The following BBS9 variants were observed in gnomAD, a reference collection of about 807,000 sequenced individuals.
BBS9 encodes the protein Bardet-Biedl syndrome 9.
BBS9 carries 89 observed loss-of-function variants against 117.7 expected under a neutral mutation model. The observed-to-expected ratio is 0.76, with a 90% confidence interval of 0.64 to 0.90. The LOEUF (loss-of-function observed/expected upper bound fraction) is 0.90. BBS9 is among the 40% of genes least tolerant of loss of function. The pLI, the probability that BBS9 is intolerant of heterozygous loss-of-function variation, is 0.00. For missense variants in BBS9, 982 were observed against 1,042.2 expected (o/e 0.94, Z 0.80); for synonymous variants, 379 against 370.9 (o/e 1.02, Z -0.25).
At chr7:33,510,384 G>A (rs1381469695) in intron 20 of BBS9, among the ~76,000 whole-genome samples, 1 of 152,004 alleles carries the variant, frequency 6.6e-6, no homozygotes, top group African/African-American at 2.4e-5. Context: ...TTGAGTCTGA[G>A]AGAGTGTTGA....
chr7:33,533,774 G>T, intron 20 of BBS9, 180 bp from the exon 21 acceptor site: 1 of 672,718 alleles, frequency 1.5e-6, no homozygotes, highest in South Asian at 1.8e-5. Context: ...CTTGCTCAAG[G>T]TCAAACAGGT....
In BBS9 at chr7:33,167,802, AC is replaced by A. The variant is rs558343674; in HGVS notation, c.329-9674del. Among the ~76,000 whole-genome samples the A allele has an allele frequency of 7.2e-5, 11 of 152,002 alleles. No homozygotes were observed. The South Asian group carries it at 2.3e-3, about 32-fold the overall frequency. Reference sequence around the variant, plus strand: ...CGGGGTCCTTTCTATCCTTTCATGAACCTCCTTAAAGATACCATACTCTAGG... The same window carrying A: ...CGGGGTCCTTTCTATCCTTTCATGAACTCCTTAAAGATACCATACTCTAGG... On this transcript the variant is annotated intron_variant, in intron 4 of 22. Coordinates refer to ENST00000242067, the MANE Select transcript of BBS9 (RefSeq NM_198428.3).
intron 6 of BBS9, among the ~76,000 whole-genome samples, chr7:33,262,283 A>G (rs1312208385): frequency 6.6e-6 from 1 of 152,202 alleles, no homozygotes; most frequent in African/African-American, 2.4e-5. Context: ...AATAATGACC[A>G]TAGTTATATA....
intron 6 of BBS9, among the ~76,000 whole-genome samples, chr7:33,262,556 G>A (rs1798133350): frequency 6.6e-6 from 1 of 152,148 alleles, no homozygotes; most frequent in Admixed American, 6.5e-5. Flanking sequence ...CACTTTTAGA[G>A]ACTTTGGGAT....
chr7:33,512,744 A>C (rs1026136165), intron 20 of BBS9, among the ~76,000 whole-genome samples: 1 of 152,220 alleles, frequency 6.6e-6, no homozygotes, highest in African/African-American at 2.4e-5. Flanking sequence ...TCGTTCCTTT[A>C]AAAGCAGCAC....
intron 21 of BBS9, among the ~76,000 whole-genome samples, chr7:33,624,984 T>C (rs1382388919): frequency 6.6e-6 from 1 of 152,138 alleles, no homozygotes; most frequent in Non-Finnish European, 1.5e-5. Flanking sequence ...CCTGAACCAG[T>C]ACTCTCAGTA....
intron 21 of BBS9, among the ~76,000 whole-genome samples, chr7:33,549,825 G>C (rs866612879): frequency 6.6e-6 from 1 of 152,130 alleles, no homozygotes; most frequent in Non-Finnish European, 1.5e-5. Flanking sequence ...CTTAAAAATT[G>C]CATCGATTTG....
intron 19 of BBS9, among the ~76,000 whole-genome samples, chr7:33,428,521 A>G (rs1427599823): frequency 6.6e-6 from 1 of 152,078 alleles, no homozygotes; most frequent in African/African-American, 2.4e-5. Flanking sequence ...AAAACAGGAG[A>G]TAATTATTCT....
At chr7:33,434,978 G>A (rs187293829) in intron 19 of BBS9, among the ~76,000 whole-genome samples, 217 of 152,174 alleles carry the variant, frequency 1.4e-3, no homozygotes, top group Non-Finnish European at 2.8e-3. Context: ...CTATCATAAG[G>A]CATTTTATGC....
chr7:33,426,569 C>T (rs1313074041), intron 19 of BBS9, among the ~76,000 whole-genome samples: 1 of 145,282 alleles, frequency 6.9e-6, no homozygotes, highest in African/African-American at 2.5e-5. Context: ...AATAGATGTT[C>T]TGTAAAAAAT....
chr7:33,332,917 CA>C (rs1455841757), intron 9 of BBS9, among the ~76,000 whole-genome samples: 3 of 151,990 alleles, frequency 2.0e-5, no homozygotes, highest in Non-Finnish European at 4.4e-5. Flanking sequence ...GCATTAGGTA[CA>C]TTCATACTGC....
intron 9 of BBS9, among the ~76,000 whole-genome samples, chr7:33,281,913 C>A (rs1351511576): frequency 6.6e-6 from 1 of 151,968 alleles, no homozygotes; most frequent in East Asian, 1.9e-4. Context: ...CTCTTGGGCG[C>A]AAGCAATCCT....
intron 19 of BBS9, among the ~76,000 whole-genome samples, chr7:33,449,826 C>T (rs1345735628): frequency 2.0e-5 from 3 of 152,056 alleles, no homozygotes; most frequent in Non-Finnish European, 4.4e-5. Flanking sequence ...TCTTCCATCC[C>T]GCCCTCCCTT....
intron 9 of BBS9, among the ~76,000 whole-genome samples, chr7:33,303,522 T>TCCCCCCTCC (rs758450052): frequency 1.3e-5 from 1 of 77,030 alleles, no homozygotes; most frequent in Non-Finnish European, 2.4e-5. Context: ...AATGATCCCC[T>TCCCCCCTCC]CCCCCCGCCC....
intron 19 of BBS9, among the ~76,000 whole-genome samples, 186 bp from the exon 20 acceptor site, chr7:33,505,277 A>T (rs1563270344): frequency 2.0e-5 from 3 of 151,104 alleles, no homozygotes; most frequent in Non-Finnish European, 3.0e-5. Context: ...TACTGTGGGC[A>T]TTTTTTTTTA....
intron 5 of BBS9, among the ~76,000 whole-genome samples, chr7:33,204,750 C>T (rs1016160505): frequency 1.3e-5 from 2 of 152,126 alleles, no homozygotes; most frequent in African/African-American, 4.8e-5. Flanking sequence ...TACCCTCATA[C>T]AAGATAGCAG....
At chr7:33,448,274 G>T (rs1308073754) in intron 19 of BBS9, among the ~76,000 whole-genome samples, 1 of 152,104 alleles carries the variant, frequency 6.6e-6, no homozygotes, top group African/African-American at 2.4e-5. Context: ...TCCCTCCCTT[G>T]TTTCCTAGCC....
intron 9 of BBS9, among the ~76,000 whole-genome samples, chr7:33,307,880 G>T (rs1473621763): frequency 3.3e-5 from 5 of 151,778 alleles, no homozygotes; most frequent in African/African-American, 1.2e-4. Context: ...TTCCTCGGCT[G>T]TAGGACCTGG....
At chr7:33,527,482 C>T (rs1002440679) in intron 20 of BBS9, among the ~76,000 whole-genome samples, 6 of 152,312 alleles carry the variant, frequency 3.9e-5, no homozygotes, top group South Asian at 2.1e-4. Flanking sequence ...CTGAAAAGCG[C>T]AATATTCGGG....
Sources: gnomAD v4.1 joint callset for allele counts (sites outside exome capture counted in the v4.1 genomes callset) on GRCh38, gnomAD v4.1.1 for gene constraint, MANE v1.5 for transcripts, NCBI Gene and HGNC (gene_info 2026-07-23, HGNC 2026-07-21) for gene names.